The following ANTXR2 variants were observed in gnomAD, a reference collection of about 807,000 sequenced individuals.
ANTXR2 encodes ANTXR cell adhesion molecule 2.
ANTXR2 carries 44 observed loss-of-function variants against 73.7 expected under a neutral mutation model. The ratio of observed to expected loss-of-function variants is 0.60; its 90% CI spans 0.47 to 0.77. The LOEUF is 0.77. Ranked by LOEUF, ANTXR2 falls within the 30% of genes least tolerant of loss-of-function variation. The probability of loss-of-function intolerance (pLI) is 0.00; values close to 1 mark genes in which losing one functional copy is unlikely to be tolerated. For missense variants in ANTXR2, 604 were observed against 592.5 expected (o/e 1.02, Z -0.20); for synonymous variants, 217 against 205.9 (o/e 1.05, Z -0.46).
intron 7 of ANTXR2, among the ~76,000 whole-genome samples, chr4:80,038,961 A>G (rs916788024): frequency 6.6e-6 from 1 of 152,130 alleles, no homozygotes; most frequent in Non-Finnish European, 1.5e-5. Context: ...ACTATACAGC[A>G]CATTCAGGGC....
chr4:79,957,720 AT>A (rs916138938), intron 16 of ANTXR2, among the ~76,000 whole-genome samples: 1 of 152,046 alleles, frequency 6.6e-6, no homozygotes, highest in African/African-American at 2.4e-5. Context: ...CCTTGAAGCC[AT>A]TTTTTGTGGC....
intron 16 of ANTXR2, among the ~76,000 whole-genome samples, chr4:79,966,024 C>T (rs992920695): frequency 2.6e-5 from 4 of 151,712 alleles, no homozygotes; most frequent in African/African-American, 9.7e-5. Context: ...AGGATTTCAC[C>T]CTTGCTTAGA....
chr4:80,024,189 C>A (rs1454515512), intron 10 of ANTXR2, among the ~76,000 whole-genome samples: 1 of 152,110 alleles, frequency 6.6e-6, no homozygotes, highest in Non-Finnish European at 1.5e-5. Flanking sequence ...AGGATGACCT[C>A]AAAGTTTCTG....
At chr4:80,021,116 C>T (rs1387904531) in intron 10 of ANTXR2, among the ~76,000 whole-genome samples, 1 of 147,904 alleles carries the variant, frequency 6.8e-6, no homozygotes, top group African/African-American at 2.5e-5. Context: ...ACCACTGCAC[C>T]CCCAGCCTGG....
chr4:80,038,266 C>A (rs1205751824), intron 7 of ANTXR2, among the ~76,000 whole-genome samples: 1 of 152,098 alleles, frequency 6.6e-6, no homozygotes, highest in African/African-American at 2.4e-5. Flanking sequence ...ATAAGTCAAT[C>A]AGATTTCATA....
chr4:79,977,969 A>G (rs745794239), intron 15 of ANTXR2, 38 bp downstream of exon 15: 1 of 1,541,970 alleles, frequency 6.5e-7, no homozygotes, highest in Non-Finnish European at 8.7e-7. Flanking sequence ...ATGTCTCCAG[A>G]AGTTTTGAGT....
chr4:80,061,834 A>C (rs1734277011), intron 3 of ANTXR2, among the ~76,000 whole-genome samples: 1 of 152,182 alleles, frequency 6.6e-6, no homozygotes. Flanking sequence ...AAAATAGAAA[A>C]AAACTGTATG....
At chr4:79,915,652 TAGACACAG>T (rs1727312858) in intron 16 of ANTXR2, among the ~76,000 whole-genome samples, 1 of 151,966 alleles carries the variant, frequency 6.6e-6, no homozygotes, top group African/African-American at 2.4e-5. Context: ...TCCACACGCA[TAGACACAG>T]AGACAAATCA....
chr4:80,037,909 A>G (rs1222280343), intron 7 of ANTXR2, among the ~76,000 whole-genome samples: 1 of 151,928 alleles, frequency 6.6e-6, no homozygotes, highest in African/African-American at 2.4e-5. Context: ...AAAACACAAA[A>G]CCCCCAAATC....
chr4:79,964,567 C>T (rs941751818), intron 16 of ANTXR2: 3 of 152,302 alleles, frequency 2.0e-5, no homozygotes, highest in African/African-American at 7.2e-5. Context: ...GGCTTTCTGT[C>T]CTCGTCTCCC....
At chr4:79,915,839 T>TCA (rs1727326668) in intron 16 of ANTXR2, among the ~76,000 whole-genome samples, 2 of 116,838 alleles carry the variant, frequency 1.7e-5, no homozygotes, top group Non-Finnish European at 4.0e-5. Context: ...CCTCTCTCTC[T>TCA]CTCTCTCTCT....
At chr4:79,997,486 T>TA (rs543343106) in intron 12 of ANTXR2, among the ~76,000 whole-genome samples, 2 of 151,914 alleles carry the variant, frequency 1.3e-5, no homozygotes, top group Non-Finnish European at 2.9e-5. Context: ...AGAGAGGAAG[T>TA]AAAATGCCTT....
intron 11 of ANTXR2, among the ~76,000 whole-genome samples, chr4:80,012,590 A>G (rs918583886): frequency 3.3e-5 from 5 of 152,184 alleles, no homozygotes; most frequent in Admixed American, 2.6e-4. Context: ...TGTCCTATAT[A>G]AATCAATGTA....
At chr4:80,010,118 T>C (rs2110058338) in intron 11 of ANTXR2, among the ~76,000 whole-genome samples, 1 of 151,976 alleles carries the variant, frequency 6.6e-6, no homozygotes, top group South Asian at 2.1e-4. Context: ...TTAATACTAA[T>C]ACTTTATAGA....
intron 12 of ANTXR2, among the ~76,000 whole-genome samples, chr4:80,004,405 CT>C (rs70944758): frequency 0.07 from 10,645 of 151,186 alleles, 448 homozygotes; most frequent in Middle Eastern, 0.11. Flanking sequence ...ACCACAGAAA[CT>C]TTTTTTTTAT....
At chr4:80,035,386 T>C (rs72855828) in intron 8 of ANTXR2, among the ~76,000 whole-genome samples, 61 of 152,236 alleles carry the variant, frequency 4.0e-4, no homozygotes, top group African/African-American at 1.4e-3. Context: ...ATTTTTCCTT[T>C]TTAAAGTAAA....
intron 12 of ANTXR2, among the ~76,000 whole-genome samples, chr4:79,993,886 C>T (rs1346289567): frequency 6.6e-6 from 1 of 151,626 alleles, no homozygotes; most frequent in Non-Finnish European, 1.5e-5. Flanking sequence ...ATATATCAAA[C>T]ATTTCTCATG....
At chr4:80,047,745 A>T (rs1247082458) in intron 7 of ANTXR2, among the ~76,000 whole-genome samples, 1 of 151,710 alleles carries the variant, frequency 6.6e-6, no homozygotes, top group Admixed American at 6.6e-5. Context: ...CATTCATCTA[A>T]ACAAGGAATG....
At chr4:79,973,125 G>C (rs1729492720) in intron 16 of ANTXR2, among the ~76,000 whole-genome samples, 1 of 151,496 alleles carries the variant, frequency 6.6e-6, no homozygotes, top group South Asian at 2.1e-4. Flanking sequence ...AAAGAGGAAG[G>C]TGGGGAGGAA....
Sources: gnomAD v4.1 joint callset for allele counts (sites outside exome capture counted in the v4.1 genomes callset) on GRCh38, gnomAD v4.1.1 for gene constraint, MANE v1.5 for transcripts, NCBI Gene and HGNC (gene_info 2026-07-23, HGNC 2026-07-21) for gene names.